Variants in FBXL13 observed in about 807,000 individuals in gnomAD.
The protein encoded by FBXL13 is F-box and leucine rich repeat protein 13.
In FBXL13, 67 loss-of-function variants were observed where a neutral mutation model predicts 83.6. That is an observed-to-expected ratio of 0.80 (90% CI 0.66 to 0.98). The LOEUF is 0.98. Among genes scored for constraint, FBXL13 ranks in the 50% least tolerant of loss-of-function variants. FBXL13 has a pLI of 0.00. For missense variants in FBXL13, 822 were observed against 866.5 expected (o/e 0.95, Z 0.64); for synonymous variants, 272 against 299.5 (o/e 0.91, Z 0.95).
rs149079789 is a variant in FBXL13 at position 103,066,937 on chromosome 7, A to G, written c.-105+7309T>C. On this transcript the variant is annotated intron_variant, in intron 1 of 19. Coordinates refer to ENST00000313221, the Ensembl canonical transcript of FBXL13. ...CACTCGAGTAGCTGGGATTAAAGGC[A>G]TGCGCCACCACGCCCAGCTAATTTT... Among the ~76,000 whole-genome samples, 561 of 151,000 alleles carry G rather than the reference A, an allele frequency of 3.7e-3. 4 individuals are homozygous for G. Among genetic ancestry groups the G allele is most frequent in the African/African-American group, 0.013 (554 of 41,192 alleles).
intron 2 of FBXL13, among the ~76,000 whole-genome samples, chr7:103,044,500 C>T (rs1027837983): frequency 3.0e-4 from 46 of 152,120 alleles, no homozygotes; most frequent in South Asian, 2.1e-4. Flanking sequence ...ATATAATCTC[C>T]TATTAGAGAT....
chr7:102,968,534 C>T (rs894441296), intron 6 of FBXL13, among the ~76,000 whole-genome samples: 2 of 152,080 alleles, frequency 1.3e-5, no homozygotes, highest in Non-Finnish European at 2.9e-5. Context: ...ATATAGGATT[C>T]CTCAGAGAAG....
chr7:102,863,704 T>C (rs1313914325), intron 16 of FBXL13, among the ~76,000 whole-genome samples: 2 of 152,082 alleles, frequency 1.3e-5, no homozygotes, highest in Non-Finnish European at 2.9e-5. Context: ...AAGGGGCCCA[T>C]AGTTTAGAGA....
rs376316482 is a variant in FBXL13 at position 102,994,259 on chromosome 7, AT to A, written c.496-26143del. On this transcript the variant is annotated intron_variant, in intron 6 of 19. Coordinates refer to ENST00000313221, the Ensembl canonical transcript of FBXL13. ...GGAAATTTTGAGGATATCTATAAAA[AT>A]AATACTGGCTTTTTTTTCTGTCATA... Among the ~76,000 whole-genome samples, 169 of 152,266 alleles carry A rather than the reference AT, an allele frequency of 1.1e-3. 1 individual carries two copies. The highest frequency in any genetic ancestry group is 4.0e-3 in the African/African-American group (167 of 41,564).
chr7:102,949,065 T>G (rs1822994719), intron 8 of FBXL13, among the ~76,000 whole-genome samples: 1 of 152,174 alleles, frequency 6.6e-6, no homozygotes, highest in Non-Finnish European at 1.5e-5. Context: ...TTTACTGGTA[T>G]AAGGATTACA....
chr7:102,883,203 G>C, intron 14 of FBXL13, 102 bp downstream of exon 15: 1 of 1,164,712 alleles, frequency 8.6e-7, no homozygotes, highest in East Asian at 2.4e-5. Flanking sequence ...ATGAACTCTT[G>C]ACTTTCATGT....
intron 11 of FBXL13, among the ~76,000 whole-genome samples, chr7:102,895,857 C>T (rs1300014540): frequency 1.3e-5 from 2 of 152,176 alleles, no homozygotes; most frequent in Non-Finnish European, 2.9e-5. Context: ...AAGAGAAACA[C>T]GGACATATTT....
chr7:103,006,623 A>G (rs1467775077), intron 6 of FBXL13, among the ~76,000 whole-genome samples: 14 of 152,196 alleles, frequency 9.2e-5, no homozygotes, highest in Non-Finnish European at 1.8e-4. Context: ...ATTGACTACC[A>G]GAACAAAATT....
intron 18 of FBXL13, among the ~76,000 whole-genome samples, chr7:102,822,643 G>A (rs1234983369): frequency 2.0e-5 from 3 of 152,180 alleles, no homozygotes; most frequent in Non-Finnish European, 4.4e-5. Context: ...AACAAATAGA[G>A]TAACAAAATC....
chr7:103,073,050 G>A (rs1295583652), intron 1 of FBXL13, among the ~76,000 whole-genome samples: 2 of 152,170 alleles, frequency 1.3e-5, no homozygotes, highest in Non-Finnish European at 2.9e-5. Context: ...ATTGTATAGA[G>A]GTACAACACA....
At chr7:102,991,615 C>A (rs563731280) in intron 6 of FBXL13, among the ~76,000 whole-genome samples, 45 of 152,192 alleles carry the variant, frequency 3.0e-4, no homozygotes, top group African/African-American at 1.0e-3. Context: ...AGCAAGTTGG[C>A]AGTTCTCTCC....
At chr7:103,074,201 C>T (rs1799381461) in intron 1 of FBXL13, 1 of 985,170 alleles carries the variant, frequency 1.0e-6, no homozygotes, top group South Asian at 4.5e-5. Context: ...CGCTAACCTC[C>T]ATCTATTTTC....
At chr7:102,874,063 T>C (rs1808897887) in intron 16 of FBXL13, among the ~76,000 whole-genome samples, 1 of 152,240 alleles carries the variant, frequency 6.6e-6, no homozygotes, top group South Asian at 2.1e-4. Flanking sequence ...ACTAAATGTG[T>C]AGTGTGATTC....
Position 102,859,356 on chromosome 7 carries a change from G to A in FBXL13, c.1636-4496C>T, listed in dbSNP as rs543455176. ...GCCAGTGAATTTCACTGCCTAATAA[G>A]TGAAACACACTATTTCAGGCAACAG... On this transcript the variant is annotated intron_variant, in intron 16 of 19. Coordinates refer to ENST00000313221, the Ensembl canonical transcript of FBXL13. Among the ~76,000 whole-genome samples the A allele has an allele frequency of 5.3e-4, 80 of 152,150 alleles. 1 individual carries two copies. In the South Asian group the frequency reaches 0.016, roughly 31 times the overall value.
chr7:102,888,898 C>T (rs1811148981), intron 11 of FBXL13, among the ~76,000 whole-genome samples: 1 of 151,986 alleles, frequency 6.6e-6, no homozygotes, highest in Non-Finnish European at 1.5e-5. Flanking sequence ...CTCTTTCTTG[C>T]TTATAACAAA....
chr7:102,881,532 A>G (rs1015991832), intron 14 of FBXL13, among the ~76,000 whole-genome samples: 3 of 147,088 alleles, frequency 2.0e-5, no homozygotes, highest in African/African-American at 5.1e-5. Context: ...TCATACAGAT[A>G]GAATTAGTTG....
intron 2 of FBXL13, among the ~76,000 whole-genome samples, chr7:103,048,290 C>T (rs942832131): frequency 1.3e-5 from 2 of 151,872 alleles, no homozygotes; most frequent in Non-Finnish European, 2.9e-5. Flanking sequence ...GTAAGTCACT[C>T]ACTTAGCCAA....
At chr7:103,043,743 A>ACCTCAGGTGATCCACCTGC (rs1795991046) in intron 2 of FBXL13, among the ~76,000 whole-genome samples, 1 of 152,036 alleles carries the variant, frequency 6.6e-6, no homozygotes. Flanking sequence ...TGAACTCCTG[A>ACCTCAGGTGATCCACCTGC]CCTCAGGTGA....
At chr7:102,831,032 A>T (rs1800576959) in intron 18 of FBXL13, among the ~76,000 whole-genome samples, 1 of 152,088 alleles carries the variant, frequency 6.6e-6, no homozygotes, top group Non-Finnish European at 1.5e-5. Flanking sequence ...AGGATGATCT[A>T]CGTGTGTTAT....
Sources: allele counts gnomAD v4.1 joint callset (sites outside exome capture counted in the v4.1 genomes callset), GRCh38; gene constraint gnomAD v4.1.1; transcripts MANE v1.5; gene names NCBI Gene and HGNC (gene_info 2026-07-23, HGNC 2026-07-21).